The following ORC4 variants were observed in gnomAD, a reference collection of about 807,000 sequenced individuals.
ORC4 encodes origin recognition complex subunit 4.
Under a neutral mutation model 63.9 loss-of-function variants are expected in ORC4, and 55 were observed. The observed-to-expected ratio is 0.86, with a 90% CI of 0.69 to 1.08. The LOEUF is 1.08. Ranked by LOEUF, ORC4 falls within the 50% of genes least tolerant of loss-of-function variation. The pLI, the probability that ORC4 is intolerant of heterozygous loss-of-function variation, is 0.00. For synonymous variants in ORC4, 150 were observed against 168.5 expected (o/e 0.89, Z 0.85); for missense variants, 511 against 504.4 (o/e 1.01, Z -0.13).
chr2:148,000,875 A>C (rs1214247541), intron 1 of ORC4, among the ~76,000 whole-genome samples: 1 of 152,052 alleles, frequency 6.6e-6, no homozygotes, highest in Non-Finnish European at 1.5e-5. Flanking sequence ...AGATGGGGGG[A>C]ATGGATGGGA....
At chr2:147,986,332 CAGG>C (rs1377790156) in intron 1 of ORC4, among the ~76,000 whole-genome samples, 3 of 152,150 alleles carry the variant, frequency 2.0e-5, no homozygotes, top group Non-Finnish European at 2.9e-5. Context: ...GAAAATTCTA[CAGG>C]AGTTCTCCAT....
At chr2:148,007,680 T>C (rs1692716098) in intron 1 of ORC4, among the ~76,000 whole-genome samples, 1 of 152,158 alleles carries the variant, frequency 6.6e-6, no homozygotes, top group African/African-American at 2.4e-5. Flanking sequence ...CAGAGTACTT[T>C]TCAAACTGAG....
intron 1 of ORC4, among the ~76,000 whole-genome samples, chr2:147,995,067 C>G (rs1453520816): frequency 1.3e-5 from 2 of 150,706 alleles, no homozygotes; most frequent in Non-Finnish European, 2.9e-5. Flanking sequence ...TGTAAATGCA[C>G]CAATCAGCAC....
intron 4 of ORC4, among the ~76,000 whole-genome samples, chr2:147,965,561 A>G (rs1432893066): frequency 1.3e-5 from 2 of 152,196 alleles, no homozygotes; most frequent in African/African-American, 4.8e-5. Flanking sequence ...ACACTGAAAC[A>G]CTCAGATGTA....
At chr2:147,975,062 TA>T (rs1690464810) in intron 2 of ORC4, among the ~76,000 whole-genome samples, 1 of 152,126 alleles carries the variant, frequency 6.6e-6, no homozygotes, top group South Asian at 2.1e-4. Context: ...GAAAGAGAGT[TA>T]AACTACTTCC....
chr2:147,959,255 A>G (rs1160126568), intron 4 of ORC4, among the ~76,000 whole-genome samples: 1 of 152,066 alleles, frequency 6.6e-6, no homozygotes, highest in Non-Finnish European at 1.5e-5. Flanking sequence ...TAATCAGTTA[A>G]AAGCCCATTG....
rs371556794 is a variant in ORC4 at position 147,974,399 on chromosome 2, C to T, written c.58-875G>A. Reference sequence around the variant, plus strand: ...CTGTAATCCCAACACTTTGGGAGGTCGAGATGGGCAGATCGCTTGAGGTTA... The same window carrying T: ...CTGTAATCCCAACACTTTGGGAGGTTGAGATGGGCAGATCGCTTGAGGTTA... On this transcript the variant is annotated intron_variant, in intron 2 of 13. Transcript: ENST00000392857. Among the ~76,000 whole-genome samples, 6 of 152,034 alleles carry T rather than the reference C, an allele frequency of 3.9e-5. No individual in the cohort carries two copies. The East Asian group carries it at 5.8e-4, about 15-fold the overall frequency.
At chr2:147,941,789 C>CA (rs1688379938) in intron 10 of ORC4, among the ~76,000 whole-genome samples, 1 of 151,796 alleles carries the variant, frequency 6.6e-6, no homozygotes, top group South Asian at 2.1e-4. Flanking sequence ...TATATACATA[C>CA]ACACATACAC....
intron 1 of ORC4, among the ~76,000 whole-genome samples, chr2:148,014,156 C>T (rs760902587): frequency 6.6e-6 from 1 of 152,104 alleles, no homozygotes; most frequent in Non-Finnish European, 1.5e-5. Flanking sequence ...TGATTGTGTG[C>T]AATACAGCGA....
chr2:147,981,738 A>C lies in ORC4; in HGVS notation c.-17-5763T>G, dbSNP rs1216585456. Among the ~76,000 whole-genome samples, 4 of 956 alleles carry C rather than the reference A, an allele frequency of 4.2e-3. No homozygotes were observed. In the African/African-American group the frequency reaches 0.054, roughly 13 times the overall value. 0.6% of individuals were successfully genotyped at this position (956 alleles called of 152,430 possible). On this transcript the variant is annotated intron_variant, in intron 1 of 13. Coordinates refer to ENST00000392857, the MANE Select transcript of ORC4 (RefSeq NM_181741.4). ...CATATAAAATATACATCAAAAAGCA[A>C]GTAAGTGCAGAGCCAGGATTTGAAT...
chr2:147,988,582 C>T (rs1025511521), intron 1 of ORC4, among the ~76,000 whole-genome samples: 1 of 152,016 alleles, frequency 6.6e-6, no homozygotes, highest in South Asian at 2.1e-4. Context: ...TGGTCTCGAA[C>T]TCCTGACCTC....
At chr2:147,938,535 T>C (rs1688188030) in intron 11 of ORC4, 142 bp from the exon 12 acceptor site, 1 of 628,114 alleles carries the variant, frequency 1.6e-6, no homozygotes, top group Non-Finnish European at 2.8e-6. Context: ...TCAATGTGTT[T>C]CAATTATCTA....
In ORC4 at chr2:147,973,503, T is replaced by G. The variant is rs1690346906; in HGVS notation, c.79A>C (p.Arg27=). 1 of 1,599,742 alleles carries G rather than the reference T, an allele frequency of 6.3e-7. No individual in the cohort carries two copies. The highest frequency in any genetic ancestry group is 1.3e-5 in the African/African-American group (1 of 74,770). The change falls in exon 3 of 14, where the codon AGA becomes CGA. Residue 27 remains arginine, a synonymous_variant. Transcript: ENST00000392857. ...LSQVQRILRE[R]FCRQSPHSNL... ...CTATGTGGACTCTGACGACAAAATC[T>G]TTCACGTAAAATTCTTTGTACCTGA...
chr2:147,960,022 G>A (rs1390286108), intron 4 of ORC4, among the ~76,000 whole-genome samples: 12 of 151,696 alleles, frequency 7.9e-5, no homozygotes, highest in Admixed American at 6.6e-4. Flanking sequence ...TGCAATCCAT[G>A]GTATTTTCTT....
At chr2:148,009,522 A>G (rs17225207) in intron 1 of ORC4, among the ~76,000 whole-genome samples, 1,702 of 152,256 alleles carry the variant, frequency 0.011, 36 homozygotes, top group East Asian at 0.052. Context: ...ATTCAGCAAG[A>G]GGACATAAAA....
rs1687859534 is a variant in ORC4, at chr2:147,933,136, G to A, written c.*2374C>T. ...TCCTTTCACCTGCTTTTCAGTTTGA[G>A]GTAATCAGATTGAAAAGCAGGAGTT... On this transcript the variant is annotated 3_prime_UTR_variant, in exon 14 of 14. Transcript: ENST00000392857. 1 of 151,918 alleles carries A rather than the reference G, an allele frequency of 6.6e-6. No individual in the cohort carries two copies. The highest frequency in any genetic ancestry group is 1.5e-5 in the Non-Finnish European group (1 of 67,960). The allele number at this position is 151,918 out of a possible 1,614,324, so 9.4% of individuals were successfully genotyped here.
At chr2:147,984,848 T>C (rs755301548) in intron 1 of ORC4, among the ~76,000 whole-genome samples, 15 of 152,380 alleles carry the variant, frequency 9.8e-5, no homozygotes, top group South Asian at 8.3e-4. Context: ...TTTGAAATTT[T>C]ATAGTTACAT....
intron 1 of ORC4, among the ~76,000 whole-genome samples, chr2:148,012,745 T>C (rs957414506): frequency 1.3e-5 from 2 of 150,946 alleles, no homozygotes; most frequent in Admixed American, 6.6e-5. Context: ...AACGACTCAA[T>C]AGGAAAAAAA....
At chr2:148,000,307 A>C (rs1230166250) in intron 1 of ORC4, among the ~76,000 whole-genome samples, 1 of 152,142 alleles carries the variant, frequency 6.6e-6, no homozygotes. Flanking sequence ...AACAAAGAGA[A>C]ACATTTGATA....
Sources: gnomAD v4.1 joint callset for allele counts (sites outside exome capture counted in the v4.1 genomes callset) on GRCh38, gnomAD v4.1.1 for gene constraint, MANE v1.5 for transcripts, NCBI Gene and HGNC (gene_info 2026-07-23, HGNC 2026-07-21) for gene names.